The following XPNPEP1 variants were observed in gnomAD, a reference collection of about 807,000 sequenced individuals.
XPNPEP1 encodes the protein X-prolyl aminopeptidase 1, also known as xaa-Pro aminopeptidase 1.
Under a neutral mutation model 92.4 loss-of-function variants are expected in XPNPEP1, and 39 were observed. The ratio of observed to expected loss-of-function variants is 0.42; its 90% confidence interval spans 0.33 to 0.55. The LOEUF is 0.55. Ranked by LOEUF, XPNPEP1 falls within the 20% of genes least tolerant of loss-of-function variation. XPNPEP1 has a pLI of 0.08. For missense variants in XPNPEP1, 654 were observed against 856.1 expected (o/e 0.76, Z 2.95); for synonymous variants, 307 against 299.4 (o/e 1.03, Z -0.26).
rs528971862 is a variant in XPNPEP1 at position 109,917,178 on chromosome 10, A to G, written c.33-2079T>C. Among the ~76,000 whole-genome samples, 12 of 152,330 alleles carry G rather than the reference A, an allele frequency of 7.9e-5. No homozygotes were observed. The South Asian group carries it at 2.1e-3, about 26-fold the overall frequency. ...TGAAACAAAAGGCATCCAGTTTAGAAAAGAAGAAGTAAAACTATCTCTATT... is the reference window on the plus strand; with the variant it reads ...TGAAACAAAAGGCATCCAGTTTAGAGAAGAAGAAGTAAAACTATCTCTATT... On this transcript the variant is annotated intron_variant, in intron 1 of 20. Coordinates refer to ENST00000502935, the MANE Select transcript of XPNPEP1 (RefSeq NM_020383.4).
rs377362084 is a variant in XPNPEP1, at chr10:109,886,326, T to C, written c.668A>G (p.Asp223Gly). The change falls in exon 8 of 21, where the codon GAC becomes GGC. Residue 223 changes from aspartate to glycine, a missense_variant. Transcript: ENST00000502935. ...GLDYTGISWKDKVADLRLKMA... is the reference protein window; with the variant it reads ...GLDYTGISWKGKVADLRLKMA... ...TTTCAACCGAAGGTCTGCAACCTTG[T>C]CCTTCCAGGAGATGCCTGCAAGAAA... The C allele has an allele frequency of 4.2e-5, 68 of 1,614,052 alleles. No individual in the cohort carries two copies. Among genetic ancestry groups the C allele is most frequent in the Non-Finnish European group, 5.8e-5 (68 of 1,180,024 alleles).
intron 3 of XPNPEP1, among the ~76,000 whole-genome samples, chr10:109,897,265 T>C (rs199937410): frequency 8.2e-4 from 121 of 148,384 alleles, no homozygotes; most frequent in East Asian, 5.7e-3. Context: ...ATCTGTAAAC[T>C]ACAAAAAAAA....
At chr10:109,879,051 G>A (rs1169102255) in intron 12 of XPNPEP1, among the ~76,000 whole-genome samples, 1 of 151,228 alleles carries the variant, frequency 6.6e-6, no homozygotes, top group African/African-American at 2.4e-5. Flanking sequence ...GACCATCCTG[G>A]CTAACACAGT....
rs183723972 is a variant in XPNPEP1 at position 109,874,253 on chromosome 10, G to A, written c.1392-826C>T. ...ATTCTTGGTCTACAGCATAAGGGCT[G>A]TTTCACGAGAGACACTATCACTGGG... On this transcript the variant is annotated intron_variant, in intron 15 of 20. Coordinates refer to ENST00000502935, the MANE Select transcript of XPNPEP1 (RefSeq NM_020383.4). Among the ~76,000 whole-genome samples, 13 of 152,312 alleles carry A rather than the reference G, an allele frequency of 8.5e-5. No individual in the cohort carries two copies. The East Asian group carries it at 2.5e-3, about 29-fold the overall frequency.
At chr10:109,882,394 G>A (rs1248938661) in intron 10 of XPNPEP1, 38 bp downstream of exon 10, 2 of 1,594,542 alleles carry the variant, frequency 1.3e-6, no homozygotes, top group Non-Finnish European at 1.7e-6. Flanking sequence ...TGGGAAGGGG[G>A]TGGCAGAGTT....
At chr10:109,882,392 G>C in intron 10 of XPNPEP1, 40 bp downstream of exon 10, 2 of 1,593,064 alleles carry the variant, frequency 1.3e-6, no homozygotes, top group South Asian at 1.1e-5. Context: ...ACTGGGAAGG[G>C]GGTGGCAGAG....
chr10:109,903,533 A>G (rs1849398133), intron 3 of XPNPEP1, among the ~76,000 whole-genome samples: 1 of 152,230 alleles, frequency 6.6e-6, no homozygotes, highest in African/African-American at 2.4e-5. Context: ...CCAATGCTTG[A>G]AGGGCAGAAA....
intron 19 of XPNPEP1, among the ~76,000 whole-genome samples, chr10:109,869,498 G>T (rs1847324590): frequency 6.6e-6 from 1 of 152,188 alleles, no homozygotes; most frequent in African/African-American, 2.4e-5. Context: ...CACCTGGGGA[G>T]TGTGACAAAA....
chr10:109,915,415 G>T (rs922565228), intron 1 of XPNPEP1, among the ~76,000 whole-genome samples: 3 of 152,062 alleles, frequency 2.0e-5, no homozygotes, highest in Non-Finnish European at 4.4e-5. Context: ...TTTCACATCT[G>T]CCCGTTCTTT....
chr10:109,888,238 C>T (rs1350607787), intron 6 of XPNPEP1, 46 bp from the exon 7 acceptor site: 1 of 1,593,048 alleles, frequency 6.3e-7, no homozygotes, highest in Non-Finnish European at 8.5e-7. Flanking sequence ...ACGCCCATTG[C>T]AGCAGGGCAG....
chr10:109,864,924 GT>G lies in XPNPEP1; in HGVS notation c.*259del. 2.2e-6 allele frequency: 1 copy of G among 462,836 alleles called. No individual in the cohort carries two copies. The highest frequency in any genetic ancestry group is 3.9e-6 in the Non-Finnish European group (1 of 258,090). 28.7% of individuals were successfully genotyped at this position (462,836 alleles called of 1,614,324 possible). ...AGTCGGGGCATCTTCCTTTCACCAA[GT>G]GTTCAACTTTGGAGGGACCCTCCTT... On this transcript the variant is annotated 3_prime_UTR_variant, in exon 21 of 21. Transcript: ENST00000502935.
At chr10:109,880,113 T>C (rs1848007736) in intron 12 of XPNPEP1, 75 bp downstream of exon 12, 3 of 1,455,650 alleles carry the variant, frequency 2.1e-6, no homozygotes, top group Admixed American at 1.7e-5. Context: ...GCATGGGAGA[T>C]GCTAGAGTTA....
At chr10:109,914,850 G>T (rs1850097741) in intron 2 of XPNPEP1, among the ~76,000 whole-genome samples, 161 bp downstream of exon 2, 1 of 147,984 alleles carries the variant, frequency 6.8e-6, no homozygotes, top group Non-Finnish European at 1.5e-5. Context: ...CAACCACTTA[G>T]GAAGCCAAAA....
At chr10:109,895,205 C>T (rs539400755) in intron 3 of XPNPEP1, among the ~76,000 whole-genome samples, 5 of 152,340 alleles carry the variant, frequency 3.3e-5, no homozygotes, top group East Asian at 1.9e-4. Context: ...ACCAACATGA[C>T]GCCACAGGCT....
chr10:109,874,862 T>C (rs1021194926), intron 15 of XPNPEP1, among the ~76,000 whole-genome samples: 29 of 152,180 alleles, frequency 1.9e-4, no homozygotes, highest in Middle Eastern at 3.4e-3. Context: ...GGCAGGAGAA[T>C]GGCTGCAACC....
chr10:109,875,604 CA>C lies in XPNPEP1; in HGVS notation c.1320-6del. The C allele has an allele frequency of 6.2e-7, 1 of 1,613,554 alleles. No individual in the cohort carries two copies. Among genetic ancestry groups the C allele is most frequent in the East Asian group, 2.2e-5 (1 of 44,826 alleles). ...CTATTCGTCTCAGGGACTGGCCTAA[CA>C]AAGTTAATTAAAAATTAATTATTCC... On this transcript the variant is annotated splice_polypyrimidine_tract_variant and splice_region_variant and intron_variant, in intron 14 of 20. Transcript: ENST00000502935.
chr10:109,880,160 A>T, intron 12 of XPNPEP1, 28 bp downstream of exon 12: 1 of 1,610,226 alleles, frequency 6.2e-7, no homozygotes, highest in Non-Finnish European at 8.5e-7. Flanking sequence ...ATGTATATCC[A>T]CATATTAAAC....
At chr10:109,900,530 T>C (rs1849228139) in intron 3 of XPNPEP1, among the ~76,000 whole-genome samples, 1 of 152,042 alleles carries the variant, frequency 6.6e-6, no homozygotes, top group Non-Finnish European at 1.5e-5. Flanking sequence ...CTCCCAGGCT[T>C]CAAACCTTCC....
At chr10:109,891,686 G>A in intron 5 of XPNPEP1, 36 bp downstream of exon 5, 2 of 1,512,946 alleles carry the variant, frequency 1.3e-6, no homozygotes, top group Non-Finnish European at 1.8e-6. Flanking sequence ...CCCAGATCAG[G>A]CCAACTAAGT....
Sources: gnomAD v4.1 joint callset for allele counts (sites outside exome capture counted in the v4.1 genomes callset) on GRCh38, gnomAD v4.1.1 for gene constraint, MANE v1.5 for transcripts, NCBI Gene and HGNC (gene_info 2026-07-23, HGNC 2026-07-21) for gene names.